Variants in SEMA3A observed in about 807,000 individuals in gnomAD.
SEMA3A encodes the protein semaphorin-3A.
Under a neutral mutation model 97.9 loss-of-function variants are expected in SEMA3A, and 29 were observed. The ratio of observed to expected loss-of-function variants is 0.30; its 90% CI spans 0.22 to 0.40. SEMA3A has a LOEUF of 0.40. SEMA3A is among the 10% of genes least tolerant of loss of function. The pLI is 1.00. For missense variants in SEMA3A, 763 were observed against 951.3 expected, an observed-to-expected ratio of 0.80 and a Z score of 2.60; for synonymous variants, 321 against 323.7, an observed-to-expected ratio of 0.99 and a Z score of 0.09.
intron 4 of SEMA3A, among the ~76,000 whole-genome samples, chr7:84,073,266 G>A (rs1289210053): frequency 1.3e-5 from 2 of 151,988 alleles, no homozygotes; most frequent in Non-Finnish European, 1.5e-5. Flanking sequence ...GTGTGTATGG[G>A]TGTGGGTGTG....
At chr7:84,326,651 C>T (rs1801781616) in intron 2 of SEMA3A, among the ~76,000 whole-genome samples, 1 of 151,814 alleles carries the variant, frequency 6.6e-6, no homozygotes. Flanking sequence ...GTCTAGAAGG[C>T]TGTTACAGGC....
intron 1 of SEMA3A, among the ~76,000 whole-genome samples, chr7:84,490,423 T>TA: frequency 6.6e-6 from 1 of 152,152 alleles, no homozygotes. Context: ...AAGCCTAGGT[T>TA]AAAAAATCAG....
rs117631008 is a variant in SEMA3A, at chr7:84,455,853, T to C, written c.-246+36607A>G. 2.1e-3 allele frequency among the ~76,000 whole-genome samples: 321 copies of C among 152,084 alleles called. 2 individuals carry two copies. The Middle Eastern group carries it at 0.048, about 23-fold the overall frequency. ...AAATTAGAAAAAGATTTAACCAGTG[T>C]AGTAACCAAATACTCTAAATTTCAT... is the stretch of plus-strand genomic sequence containing the variant. On this transcript the variant is annotated intron_variant, in intron 1 of 3. Transcript: ENST00000424555.
intron 1 of SEMA3A, among the ~76,000 whole-genome samples, chr7:84,176,659 G>A (rs1232943183): frequency 6.6e-6 from 1 of 152,056 alleles, no homozygotes; most frequent in Non-Finnish European, 1.5e-5. Flanking sequence ...CATTTTTTAA[G>A]CATTTAATCC....
intron 3 of SEMA3A, among the ~76,000 whole-genome samples, chr7:84,232,422 ATCTCTC>A (rs142498521): frequency 2.1e-5 from 3 of 145,984 alleles, no homozygotes; most frequent in Non-Finnish European, 3.0e-5. Context: ...AGATTGTTTA[ATCTCTC>A]TCTCTCTCTC....
chr7:84,153,392 G>A (rs1484831036), intron 1 of SEMA3A, among the ~76,000 whole-genome samples: 6 of 152,116 alleles, frequency 3.9e-5, no homozygotes, highest in Non-Finnish European at 8.8e-5. Context: ...AACATTCAGA[G>A]GAAAGGATGC....
intron 3 of SEMA3A, among the ~76,000 whole-genome samples, chr7:84,289,278 C>A (rs991584268): frequency 1.3e-5 from 2 of 151,912 alleles, no homozygotes; most frequent in Admixed American, 1.3e-4. Flanking sequence ...TAGATAGGAG[C>A]AATAGGTTCT....
intron 3 of SEMA3A, among the ~76,000 whole-genome samples, chr7:84,226,250 G>A (rs966979459): frequency 1.3e-5 from 2 of 151,932 alleles, no homozygotes; most frequent in Admixed American, 1.3e-4. Context: ...TGGTGTTGTT[G>A]GGAACAGAAA....
chr7:84,477,740 A>G (rs1806333199), intron 1 of SEMA3A, among the ~76,000 whole-genome samples: 1 of 152,192 alleles, frequency 6.6e-6, no homozygotes, highest in South Asian at 2.1e-4. Context: ...TCCTCTTAGC[A>G]TATGTCTATC....
At chr7:84,467,758 G>A (rs564664305) in intron 1 of SEMA3A, among the ~76,000 whole-genome samples, 1 of 152,082 alleles carries the variant, frequency 6.6e-6, no homozygotes, top group Non-Finnish European at 1.5e-5. Context: ...TTCTCTACCA[G>A]AAACAGCCTT....
At chr7:84,067,276 A>G (rs1793549591) in intron 4 of SEMA3A, among the ~76,000 whole-genome samples, 1 of 152,148 alleles carries the variant, frequency 6.6e-6, no homozygotes, top group Non-Finnish European at 1.5e-5. Flanking sequence ...TCAATTCAAG[A>G]TGGATTAAAG....
At chr7:84,444,948 A>T (rs1805370052) in intron 1 of SEMA3A, among the ~76,000 whole-genome samples, 1 of 152,140 alleles carries the variant, frequency 6.6e-6, no homozygotes, top group Non-Finnish European at 1.5e-5. Context: ...AAGCTTCTCC[A>T]TAAATTAGAT....
chr7:84,375,589 G>A (rs1803078475), intron 1 of SEMA3A, among the ~76,000 whole-genome samples: 1 of 151,484 alleles, frequency 6.6e-6, no homozygotes, highest in Admixed American at 6.6e-5. Flanking sequence ...CTTATTTTTG[G>A]GGTACTGTAT....
At chr7:84,118,812 T>C (rs1205539814) in intron 3 of SEMA3A, among the ~76,000 whole-genome samples, 1 of 152,208 alleles carries the variant, frequency 6.6e-6, no homozygotes, top group East Asian at 1.9e-4. Flanking sequence ...GCCCACTACC[T>C]GTCTCAGGCA....
intron 3 of SEMA3A, among the ~76,000 whole-genome samples, chr7:84,204,846 C>T (rs929355978): frequency 5.9e-5 from 9 of 152,164 alleles, no homozygotes; most frequent in Non-Finnish European, 1.2e-4. Flanking sequence ...AGCCCTGCAA[C>T]TGTAGGCAGC....
intron 1 of SEMA3A, among the ~76,000 whole-genome samples, chr7:84,472,352 G>T (rs1806176877): frequency 6.6e-6 from 1 of 152,164 alleles, no homozygotes; most frequent in South Asian, 2.1e-4. Flanking sequence ...GGGACAAGGA[G>T]GAGCTGAGGT....
At chr7:84,195,024 A>AGAGAGAGAGAGAGAAAGAGAG (rs1798179833), upstream of SEMA3A, 25 of 140,656 alleles carry the variant, frequency 1.8e-4, 1 homozygote, top group African/African-American at 3.3e-4. Context: ...GAGAGAGAGA[A>AGAGAGAGAGAGAGAAAGAGAG]AGAGAGAGAG....
At chr7:84,069,184 T>C (rs1249325362) in intron 4 of SEMA3A, among the ~76,000 whole-genome samples, 5 of 152,118 alleles carry the variant, frequency 3.3e-5, no homozygotes, top group Non-Finnish European at 5.9e-5. Context: ...CCATTACATG[T>C]AATAATGGGC....
At chr7:84,334,537 C>A (rs1801989751) in intron 2 of SEMA3A, among the ~76,000 whole-genome samples, 1 of 151,966 alleles carries the variant, frequency 6.6e-6, no homozygotes, top group Non-Finnish European at 1.5e-5. Context: ...CACTCTTCCT[C>A]CACCTGTTCC....
Sources: allele counts gnomAD v4.1 joint callset (sites outside exome capture counted in the v4.1 genomes callset), GRCh38; gene constraint gnomAD v4.1.1; transcripts MANE v1.5; gene names NCBI Gene and HGNC (gene_info 2026-07-23, HGNC 2026-07-21).